Variants in CCDC192 observed in about 807,000 individuals in gnomAD.
The protein encoded by CCDC192 is coiled-coil domain-containing protein 192.
chr5:127,917,679 T>A (rs1443429980), intron 6 of CCDC192, among the ~76,000 whole-genome samples: 1 of 152,210 alleles, frequency 6.6e-6, no homozygotes, highest in Non-Finnish European at 1.5e-5. Flanking sequence ...GTTTCCTGTC[T>A]TATATGGGTG....
intron 3 of CCDC192, among the ~76,000 whole-genome samples, chr5:127,760,875 C>T (rs538128453): frequency 1.3e-5 from 2 of 151,952 alleles, no homozygotes; most frequent in East Asian, 1.9e-4. Flanking sequence ...TTGTTGGAGT[C>T]GTATGATGAG....
At chr5:127,759,592 G>A (rs1754798791) in intron 3 of CCDC192, among the ~76,000 whole-genome samples, 1 of 152,118 alleles carries the variant, frequency 6.6e-6, no homozygotes. Flanking sequence ...GCCAGTTTAT[G>A]GTATTTTGTT....
intron 3 of CCDC192, among the ~76,000 whole-genome samples, chr5:127,757,116 G>C (rs1305035444): frequency 6.6e-6 from 1 of 152,188 alleles, no homozygotes; most frequent in Non-Finnish European, 1.5e-5. Context: ...AGACATGTAA[G>C]CCAGAGCTTC....
chr5:127,797,547 T>G (rs1373372692), intron 4 of CCDC192, among the ~76,000 whole-genome samples: 1 of 151,704 alleles, frequency 6.6e-6, no homozygotes, highest in Admixed American at 6.6e-5. Context: ...TTGGAGTGTT[T>G]CTTTCTGTGG....
In CCDC192 at chr5:127,737,053, T is replaced by C. The variant is rs995147065; in HGVS notation, c.115-17215T>C. Reference sequence around the variant, plus strand: ...TCAATTTTGGATCTTTCCTGCTTTCTCTTGTGGGCATTTACTGCTATAAAT... The same window carrying C: ...TCAATTTTGGATCTTTCCTGCTTTCCCTTGTGGGCATTTACTGCTATAAAT... On this transcript the variant is annotated intron_variant, in intron 2 of 6. Transcript: ENST00000514853. 9.9e-5 allele frequency among the ~76,000 whole-genome samples: 15 copies of C among 151,548 alleles called. 1 individual carries two copies. Among genetic ancestry groups the C allele is most frequent in the African/African-American group, 3.7e-4 (15 of 40,848 alleles).
intron 6 of CCDC192, among the ~76,000 whole-genome samples, chr5:127,926,633 T>C (rs1417328345): frequency 2.0e-5 from 3 of 152,152 alleles, no homozygotes; most frequent in Admixed American, 2.0e-4. Context: ...AAACTGGGTA[T>C]GAGATAAGCT....
At chr5:127,812,246 A>G (rs146842733) in intron 5 of CCDC192, among the ~76,000 whole-genome samples, 48 of 152,368 alleles carry the variant, frequency 3.2e-4, no homozygotes, top group African/African-American at 1.1e-3. Flanking sequence ...ACCAGCATAC[A>G]TTTCCATGTT....
chr5:127,725,865 T>G (rs1561448947), intron 2 of CCDC192, among the ~76,000 whole-genome samples: 1 of 152,234 alleles, frequency 6.6e-6, no homozygotes, highest in Non-Finnish European at 1.5e-5. Context: ...CTATACTATC[T>G]TGAAAGATGA....
At chr5:127,863,761 A>G (rs1036775878) in intron 5 of CCDC192, among the ~76,000 whole-genome samples, 1 of 152,216 alleles carries the variant, frequency 6.6e-6, no homozygotes. Context: ...TGAAAAGTCA[A>G]ATTCCTTTGT....
chr5:127,796,123 G>A (rs1272509510), intron 3 of CCDC192, among the ~76,000 whole-genome samples: 1 of 152,206 alleles, frequency 6.6e-6, no homozygotes, highest in Admixed American at 6.5e-5. Flanking sequence ...TATGTATGTT[G>A]TGCTCACAGT....
At chr5:127,755,281 T>C (rs563890375) in intron 3 of CCDC192, among the ~76,000 whole-genome samples, 1 of 152,306 alleles carries the variant, frequency 6.6e-6, no homozygotes, top group African/African-American at 2.4e-5. Flanking sequence ...TCTCCCTGTA[T>C]AGTGAAACCT....
intron 6 of CCDC192, among the ~76,000 whole-genome samples, chr5:127,878,641 G>T (rs1752213903): frequency 6.6e-6 from 1 of 152,222 alleles, no homozygotes; most frequent in Non-Finnish European, 1.5e-5. Context: ...TGGTGAAAGA[G>T]CAAGACTCTG....
intron 2 of CCDC192, among the ~76,000 whole-genome samples, chr5:127,747,715 TCCCA>T (rs1468792603): frequency 6.6e-6 from 1 of 151,436 alleles, no homozygotes; most frequent in Non-Finnish European, 1.5e-5. Context: ...TAGTTTACAG[TCCCA>T]CCAACAGTGT....
intron 2 of CCDC192, among the ~76,000 whole-genome samples, chr5:127,724,113 A>C (rs1485182568): frequency 6.6e-6 from 1 of 152,238 alleles, no homozygotes; most frequent in Non-Finnish European, 1.5e-5. Context: ...TCTGTATCTC[A>C]TAAGAAAATT....
chr5:127,796,397 A>G (rs1391729422), intron 3 of CCDC192, among the ~76,000 whole-genome samples: 1 of 152,202 alleles, frequency 6.6e-6, no homozygotes, highest in Non-Finnish European at 1.5e-5. Context: ...GGAGTCTTTC[A>G]GGACTGTTGC....
intron 6 of CCDC192, among the ~76,000 whole-genome samples, chr5:127,939,481 A>G (rs767920782): frequency 1.6e-3 from 250 of 152,156 alleles, no homozygotes; most frequent in Non-Finnish European, 2.8e-3. Context: ...CAGAGCAAAA[A>G]TTTCCCCATG....
At chr5:127,858,804 A>G (rs1001290778) in intron 5 of CCDC192, among the ~76,000 whole-genome samples, 4 of 152,224 alleles carry the variant, frequency 2.6e-5, no homozygotes, top group African/African-American at 4.8e-5. Context: ...GGACAAAATC[A>G]AGTACACAAT....
At chr5:127,781,028 A>T (rs1580647103) in intron 3 of CCDC192, among the ~76,000 whole-genome samples, 1 of 152,188 alleles carries the variant, frequency 6.6e-6, no homozygotes. Flanking sequence ...ATGAAGATCT[A>T]GTTTCGTTCT....
intron 3 of CCDC192, among the ~76,000 whole-genome samples, chr5:127,788,217 C>T (rs1049890280): frequency 1.2e-4 from 18 of 151,952 alleles, no homozygotes; most frequent in African/African-American, 2.9e-4. Flanking sequence ...TGCATTTATG[C>T]GTATAGTTTT....
Sources: allele counts gnomAD v4.1 joint callset (sites outside exome capture counted in the v4.1 genomes callset), GRCh38; gene constraint gnomAD v4.1.1; transcripts MANE v1.5; gene names NCBI Gene and HGNC (gene_info 2026-07-23, HGNC 2026-07-21).